Variants in HS3ST4 observed in about 807,000 individuals in gnomAD.
HS3ST4 encodes heparan sulfate glucosamine 3-O-sulfotransferase 4.
A neutral mutation model predicts 29.2 loss-of-function variants in HS3ST4; 17 were observed. The observed-to-expected ratio is 0.58, with a 90% CI of 0.40 to 0.87. HS3ST4 has a LOEUF of 0.87. HS3ST4 is among the 40% of genes least tolerant of loss of function. The pLI is 0.00. For synonymous variants in HS3ST4, 314 were observed against 285.7 expected, an observed-to-expected ratio of 1.10 and a Z score of -1.00; for missense variants, 627 against 634.5, an observed-to-expected ratio of 0.99 and a Z score of 0.13.
intron 1 of HS3ST4, among the ~76,000 whole-genome samples, chr16:25,727,837 C>T (rs529500351): frequency 5.9e-5 from 9 of 152,182 alleles, no homozygotes; most frequent in African/African-American, 1.9e-4. Flanking sequence ...AAAACTAGGA[C>T]AAAAATACAC....
chr16:26,099,397 CT>C (rs1237228669), intron 1 of HS3ST4, among the ~76,000 whole-genome samples: 2 of 152,172 alleles, frequency 1.3e-5, no homozygotes, highest in Non-Finnish European at 2.9e-5. Context: ...CTTAAGCAAT[CT>C]TCATGCCTCC....
intron 1 of HS3ST4, among the ~76,000 whole-genome samples, chr16:25,867,190 C>G (rs1967704225): frequency 6.6e-6 from 1 of 152,144 alleles, no homozygotes; most frequent in Non-Finnish European, 1.5e-5. Flanking sequence ...CTTATGTCCA[C>G]CCCAGATCCA....
intron 1 of HS3ST4, among the ~76,000 whole-genome samples, chr16:25,982,776 G>A (rs1477643889): frequency 6.6e-6 from 1 of 152,126 alleles, no homozygotes; most frequent in African/African-American, 2.4e-5. Flanking sequence ...GCTGCCGTGA[G>A]CCAAGATCAC....
chr16:26,004,981 G>GT (rs1191671457), intron 1 of HS3ST4, among the ~76,000 whole-genome samples: 1 of 151,968 alleles, frequency 6.6e-6, no homozygotes, highest in Non-Finnish European at 1.5e-5. Context: ...TTTTGTACTT[G>GT]TTGTTTTTTT....
intron 1 of HS3ST4, among the ~76,000 whole-genome samples, chr16:25,807,376 C>T (rs947632769): frequency 1.3e-5 from 2 of 152,190 alleles, no homozygotes; most frequent in African/African-American, 2.4e-5. Flanking sequence ...ATAATTTTGC[C>T]ATTGCAAAAA....
chr16:25,925,807 T>C (rs1968396293), intron 1 of HS3ST4, among the ~76,000 whole-genome samples: 1 of 152,182 alleles, frequency 6.6e-6, no homozygotes, highest in Admixed American at 6.5e-5. Context: ...AGTGTGCCTG[T>C]TCCTGGAAAG....
chr16:25,793,275 G>A (rs536577209), intron 1 of HS3ST4, among the ~76,000 whole-genome samples: 38 of 151,940 alleles, frequency 2.5e-4, no homozygotes, highest in South Asian at 8.3e-4. Context: ...GCAGCATTGC[G>A]TATATTTCAA....
At chr16:25,772,711 G>C (rs994086477) in intron 1 of HS3ST4, among the ~76,000 whole-genome samples, 3 of 152,206 alleles carry the variant, frequency 2.0e-5, no homozygotes, top group Non-Finnish European at 4.4e-5. Context: ...TCTTTGAAAA[G>C]TGAGAGACAT....
intron 1 of HS3ST4, among the ~76,000 whole-genome samples, chr16:25,753,578 G>A (rs1966735540): frequency 6.6e-6 from 1 of 151,742 alleles, no homozygotes; most frequent in African/African-American, 2.4e-5. Context: ...AGGAAACAGA[G>A]GCTTAGCAAA....
rs947637954 is a variant in HS3ST4, at chr16:25,811,668, G to A, written c.734+118517G>A. Among the ~76,000 whole-genome samples, 5 of 151,846 alleles carry A rather than the reference G, an allele frequency of 3.3e-5. 1 individual carries two copies. Among genetic ancestry groups the A allele is most frequent in the African/African-American group, 4.8e-5 (2 of 41,326 alleles). ...TGCTGGTCTCGAACTCCCAACCTCA[G>A]GTGATACCCCCGCCTCGGCCTCCCA... On this transcript the variant is annotated intron_variant, in intron 1 of 1. Coordinates refer to ENST00000331351, the MANE Select transcript of HS3ST4 (RefSeq NM_006040.3).
chr16:26,033,064 C>A (rs958557250), intron 1 of HS3ST4, among the ~76,000 whole-genome samples: 11 of 152,114 alleles, frequency 7.2e-5, no homozygotes, highest in African/African-American at 2.7e-4. Flanking sequence ...ACCTGAACGA[C>A]AGACTGCGAA....
chr16:25,938,713 C>T (rs891647136), intron 1 of HS3ST4, among the ~76,000 whole-genome samples: 3 of 152,194 alleles, frequency 2.0e-5, no homozygotes, highest in African/African-American at 7.2e-5. Context: ...TCTCCTGCCT[C>T]CATTTTCCAT....
rs540330217 is a variant in HS3ST4 at position 26,033,473 on chromosome 16, C to T, written c.735-102139C>T. Among the ~76,000 whole-genome samples, 28 of 149,410 alleles carry T rather than the reference C, an allele frequency of 1.9e-4. No individual in the cohort carries two copies. In the South Asian group the frequency reaches 5.7e-3, roughly 31 times the overall value. On this transcript the variant is annotated intron_variant, in intron 1 of 1. Coordinates refer to ENST00000331351, the MANE Select transcript of HS3ST4 (RefSeq NM_006040.3). The stretch of plus-strand genomic sequence containing the variant: ...GAGATTGCAGTGAGCTGAGATCACA[C>T]CACTGCACTCCAGCATGGGTGACTG...
At chr16:26,020,283 AG>A (rs1195033651) in intron 1 of HS3ST4, among the ~76,000 whole-genome samples, 1 of 152,218 alleles carries the variant, frequency 6.6e-6, no homozygotes, top group Admixed American at 6.5e-5. Flanking sequence ...ATGTGCAAAA[AG>A]GAGAGTGTCT....
At chr16:26,013,735 A>C (rs982991953) in intron 1 of HS3ST4, among the ~76,000 whole-genome samples, 1 of 152,084 alleles carries the variant, frequency 6.6e-6, no homozygotes, top group Admixed American at 6.6e-5. Context: ...TCTGGCCGGG[A>C]GCGGTGGCTC....
At chr16:25,743,096 G>T (rs375778832) in intron 1 of HS3ST4, among the ~76,000 whole-genome samples, 1 of 152,186 alleles carries the variant, frequency 6.6e-6, no homozygotes, top group Admixed American at 6.5e-5. Flanking sequence ...AGAGTTAGCT[G>T]TCAAAGTCTC....
At chr16:25,998,752 A>T (rs1167121109) in intron 1 of HS3ST4, among the ~76,000 whole-genome samples, 1 of 152,040 alleles carries the variant, frequency 6.6e-6, no homozygotes, top group African/African-American at 2.4e-5. Context: ...CTAGCAAAAA[A>T]TCCTTACTTC....
chr16:25,823,030 A>T (rs573172490), intron 1 of HS3ST4, among the ~76,000 whole-genome samples: 1 of 152,058 alleles, frequency 6.6e-6, no homozygotes, highest in East Asian at 1.9e-4. Flanking sequence ...GAACCACTGC[A>T]CCCAGCCCAC....
At chr16:25,970,251 T>C (rs1035287211) in intron 1 of HS3ST4, among the ~76,000 whole-genome samples, 7 of 152,228 alleles carry the variant, frequency 4.6e-5, no homozygotes, top group African/African-American at 1.7e-4. Context: ...AGCCTGACTT[T>C]GTTTTGCAAG....
Sources: allele counts gnomAD v4.1 joint callset (sites outside exome capture counted in the v4.1 genomes callset), GRCh38; gene constraint gnomAD v4.1.1; transcripts MANE v1.5; gene names NCBI Gene and HGNC (gene_info 2026-07-23, HGNC 2026-07-21).